The following OCA2 variants were observed in gnomAD, a reference collection of about 807,000 sequenced individuals.
OCA2 encodes OCA2 melanosomal transmembrane protein.
OCA2 carries 77 observed loss-of-function variants against 100.2 expected under a neutral mutation model. The ratio of observed to expected loss-of-function variants is 0.77; its 90% confidence interval spans 0.64 to 0.93. OCA2 has a LOEUF of 0.93. OCA2 is among the 40% of genes least tolerant of loss of function. The pLI, the probability that OCA2 is intolerant of heterozygous loss-of-function variation, is 0.00. For missense variants in OCA2, 1,062 were observed against 1,089.1 expected, an observed-to-expected ratio of 0.98 and a Z score of 0.35; for synonymous variants, 432 against 439.2, an observed-to-expected ratio of 0.98 and a Z score of 0.21.
Position 27,966,710 on chromosome 15 carries a change from T to C in OCA2, c.1616A>G (p.Lys539Arg). 16 of 1,614,078 alleles carry C rather than the reference T, an allele frequency of 9.9e-6. No individual in the cohort carries two copies. Among genetic ancestry groups the C allele is most frequent in the Non-Finnish European group, 1.3e-5 (15 of 1,180,012 alleles). ...CTCACCAACAATCTCACTGGGTTCC[T>C]TGTTATAAAGCTTTCTGTTCCAGTA... ...LLYWNRKLYN[K>R]EPSEIVELKH... is the part of the protein sequence containing the mutation. Residue 539 changes from lysine (K) to arginine (R), a missense_variant, in exon 15 of 24, where the codon AAG becomes AGG. Lys to Arg is a conservative substitution (Grantham distance 26). Coordinates refer to ENST00000354638, the MANE Select transcript of OCA2 (RefSeq NM_000275.3).
At chr15:28,074,212 C>T (rs999967306) in intron 2 of OCA2, among the ~76,000 whole-genome samples, 9 of 152,174 alleles carry the variant, frequency 5.9e-5, no homozygotes, top group African/African-American at 2.2e-4. Context: ...ATATTCATGA[C>T]ATGATAATCA....
At chr15:27,977,847 GAC>G (rs2041020232) in intron 14 of OCA2, among the ~76,000 whole-genome samples, 1 of 152,172 alleles carries the variant, frequency 6.6e-6, no homozygotes, top group African/African-American at 2.4e-5. Context: ...GCCACATGAG[GAC>G]ACAGTGAGAG....
At chr15:27,812,704 A>C (rs924313) in intron 23 of OCA2, among the ~76,000 whole-genome samples, 91,109 of 152,010 alleles carry the variant, frequency 0.6, 27,759 homozygotes, top group South Asian at 0.77. Context: ...GCAAAAGGAA[A>C]CAAAAGAGAG....
intron 2 of OCA2, among the ~76,000 whole-genome samples, chr15:28,052,038 C>A (rs186448349): frequency 6.6e-6 from 1 of 152,236 alleles, no homozygotes; most frequent in East Asian, 1.9e-4. Flanking sequence ...ACCCACAGAT[C>A]AGTGACCCCC....
At chr15:28,020,094 C>A (rs1006009828) in intron 6 of OCA2, among the ~76,000 whole-genome samples, 3 of 152,190 alleles carry the variant, frequency 2.0e-5, no homozygotes, top group Admixed American at 2.0e-4. Flanking sequence ...GAAGGCCACA[C>A]AGGGAGCAGG....
chr15:27,985,041 C>A (rs1162630447), intron 13 of OCA2, 23 bp downstream of exon 13: 1 of 1,613,488 alleles, frequency 6.2e-7, no homozygotes, highest in Admixed American at 1.7e-5. Flanking sequence ...CCGCAACTCC[C>A]ACGGCAGAGG....
At chr15:28,031,516 G>A (rs548927661) in intron 3 of OCA2, among the ~76,000 whole-genome samples, 1 of 152,326 alleles carries the variant, frequency 6.6e-6, no homozygotes, top group East Asian at 1.9e-4. Flanking sequence ...CTCTCCTCAG[G>A]CAATTCCAGA....
At chr15:27,996,517 A>G (rs561971015) in intron 9 of OCA2, among the ~76,000 whole-genome samples, 1 of 152,070 alleles carries the variant, frequency 6.6e-6, no homozygotes, top group African/African-American at 2.4e-5. Context: ...TAGAAAGACA[A>G]TTGAAGAGAT....
rs549023806 is a variant in OCA2, at chr15:27,813,697, T to C, written c.2432+31262A>G. Among the ~76,000 whole-genome samples, 10 of 152,322 alleles carry C rather than the reference T, an allele frequency of 6.6e-5. No homozygotes were observed. In the East Asian group the frequency reaches 1.9e-3, roughly 29 times the overall value. ...GCGCCTAGTGGGACTCTGAAATTCA[T>C]GATTTAGATGAAAGAGGCTTCTCAC... On this transcript the variant is annotated intron_variant, in intron 23 of 23. Transcript: ENST00000354638.
At chr15:28,085,701 C>G (rs1282618909) in intron 1 of OCA2, among the ~76,000 whole-genome samples, 1 of 151,512 alleles carries the variant, frequency 6.6e-6, no homozygotes, top group Non-Finnish European at 1.5e-5. Flanking sequence ...CCAAACCTCA[C>G]AAGCTGGCAT....
intron 8 of OCA2, 21 bp downstream of exon 8, chr15:28,016,083 C>T (rs2042382139): frequency 3.7e-6 from 6 of 1,603,324 alleles, no homozygotes; most frequent in Non-Finnish European, 5.1e-6. Context: ...TGCCCCAACA[C>T]CTCACTCACT....
At chr15:27,821,545 AC>A (rs2034502500) in intron 23 of OCA2, among the ~76,000 whole-genome samples, 1 of 152,186 alleles carries the variant, frequency 6.6e-6, no homozygotes, top group African/African-American at 2.4e-5. Flanking sequence ...ATGCACACAT[AC>A]ATGCACACAT....
intron 21 of OCA2, among the ~76,000 whole-genome samples, chr15:27,869,491 T>G (rs1448811916): frequency 1.3e-5 from 2 of 152,382 alleles, no homozygotes; most frequent in Non-Finnish European, 2.9e-5. Context: ...TCTGATTCCA[T>G]TTTTTAAAGT....
At chr15:27,843,962 T>C (rs2035437699) in intron 23 of OCA2, among the ~76,000 whole-genome samples, 1 of 152,164 alleles carries the variant, frequency 6.6e-6, no homozygotes, top group African/African-American at 2.4e-5. Flanking sequence ...AGAACCATCA[T>C]TGTGCATACA....
intron 21 of OCA2, among the ~76,000 whole-genome samples, chr15:27,855,276 A>G (rs2035908692): frequency 6.6e-6 from 1 of 152,178 alleles, no homozygotes; most frequent in South Asian, 2.1e-4. Context: ...GCCAGCCATG[A>G]CCTTTCCATC....
the OCA2 span, among the ~76,000 whole-genome samples, chr15:27,739,401 A>T: frequency 6.7e-6 from 1 of 149,218 alleles, no homozygotes; most frequent in Admixed American, 6.7e-5. Context: ...CTGCCTGCTG[A>T]TCATTACACT....
intron 3 of OCA2, among the ~76,000 whole-genome samples, chr15:28,028,852 A>G (rs1481596294): frequency 6.6e-6 from 1 of 151,962 alleles, no homozygotes; most frequent in Non-Finnish European, 1.5e-5. Flanking sequence ...TGCCCAACTA[A>G]TTTTTGTATT....
chr15:27,949,391 A>G (rs896889286), intron 18 of OCA2, among the ~76,000 whole-genome samples: 2 of 152,210 alleles, frequency 1.3e-5, no homozygotes, highest in Admixed American at 6.5e-5. Flanking sequence ...GGCCGGGCAT[A>G]GTAGCTCGTG....
intron 19 of OCA2, among the ~76,000 whole-genome samples, chr15:27,898,936 A>AAC (rs2037815459): frequency 6.6e-6 from 1 of 152,210 alleles, no homozygotes; most frequent in Non-Finnish European, 1.5e-5. Context: ...AACAGGAAGG[A>AAC]ACACTTTCCA....
Sources: gnomAD v4.1 joint callset for allele counts (sites outside exome capture counted in the v4.1 genomes callset) on GRCh38, gnomAD v4.1.1 for gene constraint, MANE v1.5 for transcripts, NCBI Gene and HGNC (gene_info 2026-07-23, HGNC 2026-07-21) for gene names.